The following NXPE2 variants were observed in gnomAD, a reference collection of about 807,000 sequenced individuals.
The protein encoded by NXPE2 is NXPE family member 2.
A neutral mutation model predicts 34.4 loss-of-function variants in NXPE2; 34 were observed. The observed-to-expected ratio is 0.99, with a 90% CI of 0.75 to 1.31. The LOEUF is 1.31. Ranked by LOEUF, NXPE2 falls within the 40% of genes most tolerant of loss-of-function variation. The pLI, the probability that NXPE2 is intolerant of heterozygous loss-of-function variation, is 0.00. For synonymous variants in NXPE2, 235 were observed against 231.3 expected, an observed-to-expected ratio of 1.02 and a Z score of -0.15; for missense variants, 649 against 672.5, an observed-to-expected ratio of 0.97 and a Z score of 0.39.
At chr11:114,559,533 G>C in the NXPE2 span, among the ~76,000 whole-genome samples, 2 of 152,098 alleles carry the variant, frequency 1.3e-5, no homozygotes, top group African/African-American at 4.8e-5. Flanking sequence ...TTGGTTATTA[G>C]AGAAATATTT....
At chr11:114,519,606 G>C in the NXPE2 span, among the ~76,000 whole-genome samples, 2 of 152,046 alleles carry the variant, frequency 1.3e-5, no homozygotes, top group Non-Finnish European at 2.9e-5. Context: ...AATTCAATCT[G>C]GTTTTAAAGG....
At chr11:114,693,241 C>A (rs1565385041) in intron 2 of NXPE2, among the ~76,000 whole-genome samples, 1 of 152,072 alleles carries the variant, frequency 6.6e-6, no homozygotes, top group African/African-American at 2.4e-5. Flanking sequence ...GGATGGGAAA[C>A]CTTCTTCTTG....
At chr11:114,730,809 G>A in the NXPE2 span, among the ~76,000 whole-genome samples, 39 of 152,176 alleles carry the variant, frequency 2.6e-4, no homozygotes, top group East Asian at 5.8e-3. Flanking sequence ...GAGTCTCTAG[G>A]GATTTCTAGG....
upstream of NXPE2, among the ~76,000 whole-genome samples, chr11:114,678,072 A>C (rs1167249455): frequency 6.6e-6 from 1 of 152,124 alleles, no homozygotes; most frequent in Admixed American, 6.6e-5. Context: ...AATGGTTTAG[A>C]GCAAGAGAAA....
At chr11:114,725,994 A>ATATAT in the NXPE2 span, among the ~76,000 whole-genome samples, 96 of 87,482 alleles carry the variant, frequency 1.1e-3, 5 homozygotes, top group South Asian at 5.4e-3. Flanking sequence ...TATATATATA[A>ATATAT]AAAGAAAAAG....
chr11:114,545,744 A>G, the NXPE2 span, among the ~76,000 whole-genome samples: 1 of 149,470 alleles, frequency 6.7e-6, no homozygotes, highest in African/African-American at 2.5e-5. Flanking sequence ...GCTGGAGTGC[A>G]GTGGCGTGAA....
the NXPE2 span, chr11:114,583,899 C>A: frequency 5.1e-6 from 2 of 390,692 alleles, no homozygotes; most frequent in Non-Finnish European, 1.0e-5. Flanking sequence ...GTTATTGGGG[C>A]TGGCAAAGGC....
At chr11:114,647,315 G>A in the NXPE2 span, among the ~76,000 whole-genome samples, 1 of 152,056 alleles carries the variant, frequency 6.6e-6, no homozygotes, top group African/African-American at 2.4e-5. Flanking sequence ...ATGAGCTTTG[G>A]TATAAAGTTT....
At chr11:114,615,396 G>C in the NXPE2 span, among the ~76,000 whole-genome samples, 3 of 151,486 alleles carry the variant, frequency 2.0e-5, no homozygotes, top group Non-Finnish European at 4.4e-5. Context: ...GTATTGCCTC[G>C]GTAACCACAG....
the NXPE2 span, among the ~76,000 whole-genome samples, chr11:114,805,600 C>A: frequency 6.6e-6 from 1 of 152,232 alleles, no homozygotes; most frequent in African/African-American, 2.4e-5. Context: ...GCTAGCACAG[C>A]AGTCTGAGAT....
At chr11:114,800,018 T>C in the NXPE2 span, among the ~76,000 whole-genome samples, 1 of 152,266 alleles carries the variant, frequency 6.6e-6, no homozygotes, top group Non-Finnish European at 1.5e-5. Context: ...TAAGGAAATA[T>C]AACACAAGCT....
At chr11:114,516,780 C>T in the NXPE2 span, among the ~76,000 whole-genome samples, 1 of 152,272 alleles carries the variant, frequency 6.6e-6, no homozygotes, top group Admixed American at 6.5e-5. Context: ...TGCTTTCCCA[C>T]CTTTTTCCTC....
the NXPE2 span, among the ~76,000 whole-genome samples, chr11:114,629,368 A>ATTGATTTAT: frequency 6.6e-6 from 1 of 152,106 alleles, no homozygotes; most frequent in Non-Finnish European, 1.5e-5. Flanking sequence ...GGTTCAATAT[A>ATTGATTTAT]CACAAATCAA....
the NXPE2 span, chr11:114,526,792 A>G: frequency 6.6e-6 from 1 of 152,336 alleles, no homozygotes; most frequent in African/African-American, 2.4e-5. Context: ...TTTTAGTGTA[A>G]GTATGGTCCA....
chr11:114,804,276 T>TA, the NXPE2 span, among the ~76,000 whole-genome samples: 1 of 152,218 alleles, frequency 6.6e-6, no homozygotes. Flanking sequence ...GCCTCAAGGT[T>TA]AAGAGATTTG....
At chr11:114,548,661 G>T in the NXPE2 span, among the ~76,000 whole-genome samples, 5 of 151,846 alleles carry the variant, frequency 3.3e-5, no homozygotes, top group Admixed American at 3.3e-4. Context: ...ACAGCTAAAA[G>T]AATTATCAGT....
the NXPE2 span, among the ~76,000 whole-genome samples, chr11:114,661,444 G>A: frequency 6.6e-6 from 1 of 152,146 alleles, no homozygotes; most frequent in African/African-American, 2.4e-5. Context: ...TAGGATCCAT[G>A]GTGAGCCAGC....
chr11:114,524,630 C>T, the NXPE2 span, among the ~76,000 whole-genome samples: 6 of 152,088 alleles, frequency 3.9e-5, no homozygotes, highest in Non-Finnish European at 8.8e-5. Flanking sequence ...TACCATGACC[C>T]TGGAAACTTG....
At chr11:114,645,725 T>C in the NXPE2 span, among the ~76,000 whole-genome samples, 2 of 152,120 alleles carry the variant, frequency 1.3e-5, no homozygotes, top group African/African-American at 4.8e-5. Context: ...AAAGAATTCA[T>C]ATAAAGTGAT....
Sources: allele counts gnomAD v4.1 joint callset (sites outside exome capture counted in the v4.1 genomes callset), GRCh38; gene constraint gnomAD v4.1.1; transcripts MANE v1.5; gene names NCBI Gene and HGNC (gene_info 2026-07-23, HGNC 2026-07-21).